The following COLEC12 variants were observed in gnomAD, a reference collection of about 807,000 sequenced individuals.
The protein encoded by COLEC12 is collectin subfamily member 12.
In COLEC12, 33 loss-of-function variants were observed where a neutral mutation model predicts 71.1. The ratio of observed to expected loss-of-function variants is 0.46; its 90% CI spans 0.35 to 0.62. The LOEUF is 0.62. Among genes scored for constraint, COLEC12 ranks in the 20% least tolerant of loss-of-function variants. COLEC12 has a pLI of 0.00. For missense variants in COLEC12, 765 were observed against 916.1 expected, an observed-to-expected ratio of 0.84 and a Z score of 2.13; for synonymous variants, 350 against 353.0, an observed-to-expected ratio of 0.99 and a Z score of 0.10.
chr18:493,189 C>T (rs1917650122), intron 1 of COLEC12, among the ~76,000 whole-genome samples: 1 of 152,142 alleles, frequency 6.6e-6, no homozygotes, highest in Admixed American at 6.5e-5. Flanking sequence ...ATCCTCCCAC[C>T]TCAGTCTCCC....
chr18:366,311 C>T (rs960629974), intron 2 of COLEC12, among the ~76,000 whole-genome samples: 5 of 152,140 alleles, frequency 3.3e-5, no homozygotes, highest in Admixed American at 1.3e-4. Context: ...TTTGAGGGAG[C>T]ATGGGAAGGA....
rs186139307 is a variant in COLEC12, at chr18:470,268, G to A, written c.58+10439C>T. Among the ~76,000 whole-genome samples the A allele has an allele frequency of 1.2e-4, 14 of 118,456 alleles. No homozygotes were observed. The East Asian group carries it at 3.9e-3, about 33-fold the overall frequency. The allele number at this position is 118,456 out of a possible 152,430, so 77.7% of individuals were successfully genotyped here. The stretch of plus-strand genomic sequence containing the variant: ...TTTTTTTGAGACGGAGTCTCGCTCG[G>A]TCTCCCAGGCTGGAGTGCAGTGGTG... On this transcript the variant is annotated intron_variant, in intron 2 of 9. Coordinates refer to ENST00000400256, the MANE Select transcript of COLEC12 (RefSeq NM_130386.3).
intron 2 of COLEC12, among the ~76,000 whole-genome samples, chr18:400,954 G>A (rs1915672403): frequency 4.6e-5 from 7 of 152,140 alleles, no homozygotes; most frequent in Admixed American, 3.3e-4. Context: ...GGGAACATAT[G>A]GTCCAGCTTC....
intron 2 of COLEC12, among the ~76,000 whole-genome samples, chr18:367,417 A>G (rs1487471051): frequency 6.6e-6 from 1 of 152,164 alleles, no homozygotes; most frequent in African/African-American, 2.4e-5. Flanking sequence ...AGTGGACTTC[A>G]ATGTAAATGA....
intron 8 of COLEC12, among the ~76,000 whole-genome samples, chr18:328,914 C>T (rs1037036577): frequency 2.6e-5 from 4 of 152,192 alleles, no homozygotes; most frequent in Admixed American, 2.0e-4. Flanking sequence ...GTTATTGAGA[C>T]CTCATAACAC....
intron 5 of COLEC12, among the ~76,000 whole-genome samples, chr18:337,659 C>A (rs1175238573): frequency 1.3e-5 from 2 of 152,180 alleles, no homozygotes; most frequent in Non-Finnish European, 2.9e-5. Flanking sequence ...TGACCTCTGC[C>A]CACAGCTCCT....
intron 2 of COLEC12, among the ~76,000 whole-genome samples, chr18:366,946 G>T (rs962952113): frequency 6.6e-6 from 1 of 152,270 alleles, no homozygotes; most frequent in Admixed American, 6.5e-5. Context: ...ACAGGGAGCC[G>T]CAGCCTCAAA....
At chr18:467,491 T>C (rs1001577839) in intron 2 of COLEC12, among the ~76,000 whole-genome samples, 6 of 152,238 alleles carry the variant, frequency 3.9e-5, no homozygotes, top group African/African-American at 1.4e-4. Context: ...GGTTTATGTT[T>C]TTTGTCCAAT....
chr18:497,360 T>C (rs1917730253), intron 1 of COLEC12, among the ~76,000 whole-genome samples: 1 of 151,622 alleles, frequency 6.6e-6, no homozygotes, highest in African/African-American at 2.4e-5. Context: ...TGTCCACTGA[T>C]TTTCAATTTG....
intron 2 of COLEC12, among the ~76,000 whole-genome samples, chr18:410,087 T>C (rs1915864415): frequency 6.6e-6 from 1 of 152,234 alleles, no homozygotes; most frequent in Admixed American, 6.5e-5. Flanking sequence ...TTCTGAGGAT[T>C]AAGTGAAATT....
At chr18:354,303 T>C (rs1319410508) in intron 3 of COLEC12, among the ~76,000 whole-genome samples, 1 of 152,208 alleles carries the variant, frequency 6.6e-6, no homozygotes, top group Non-Finnish European at 1.5e-5. Flanking sequence ...CCTGTCTGGG[T>C]GACTGAGCGA....
At chr18:424,428 G>T (rs888137059) in intron 2 of COLEC12, 3 of 152,166 alleles carry the variant, frequency 2.0e-5, no homozygotes, top group African/African-American at 7.2e-5. Context: ...TGTTGATCTT[G>T]GCGTCCCCAT....
At position 404,054 on chromosome 18, in the gene COLEC12, G is replaced by C. The variant is rs72861833; in HGVS notation, c.59-46532C>G. ...ATAGCAAAAACCATCAGAAAATTAA[G>C]CATGAAATGGAAATTCTGATGCCAT... On this transcript the variant is annotated intron_variant, in intron 2 of 9. Coordinates refer to ENST00000400256, the MANE Select transcript of COLEC12 (RefSeq NM_130386.3). Among the ~76,000 whole-genome samples the C allele has an allele frequency of 5.2e-3, 793 of 152,278 alleles. 2 individuals carry two copies. Among genetic ancestry groups the C allele is most frequent in the Non-Finnish European group, 9.0e-3 (613 of 68,020 alleles).
At chr18:477,168 C>A (rs1271433347) in intron 2 of COLEC12, among the ~76,000 whole-genome samples, 2 of 152,198 alleles carry the variant, frequency 1.3e-5, no homozygotes, top group African/African-American at 2.4e-5. Context: ...CAATACCATG[C>A]TAGATCACTG....
intron 2 of COLEC12, among the ~76,000 whole-genome samples, chr18:464,274 A>G (rs932201596): frequency 6.6e-6 from 1 of 152,218 alleles, no homozygotes; most frequent in Admixed American, 6.5e-5. Context: ...ACTATTCTGC[A>G]GCCTCCTCAG....
intron 2 of COLEC12, among the ~76,000 whole-genome samples, chr18:358,856 G>A (rs932555496): frequency 2.6e-5 from 4 of 152,124 alleles, no homozygotes; most frequent in African/African-American, 9.7e-5. Flanking sequence ...AAGTATTTGT[G>A]TATCTAAACA....
intron 2 of COLEC12, among the ~76,000 whole-genome samples, chr18:410,705 G>A (rs1306661476): frequency 4.6e-5 from 7 of 151,900 alleles, no homozygotes; most frequent in Non-Finnish European, 7.4e-5. Flanking sequence ...GATTACAGGC[G>A]TGAGCCATCA....
chr18:453,205 C>T (rs1916796132), intron 2 of COLEC12, among the ~76,000 whole-genome samples: 1 of 152,200 alleles, frequency 6.6e-6, no homozygotes, highest in Admixed American at 6.5e-5. Flanking sequence ...TGATCAGTGT[C>T]ACTGGCTTGT....
intron 3 of COLEC12, among the ~76,000 whole-genome samples, chr18:349,687 C>T: frequency 6.6e-6 from 1 of 152,230 alleles, no homozygotes; most frequent in African/African-American, 2.4e-5. Flanking sequence ...CCCTGCAAAG[C>T]CACAGGGGTG....
Sources: gnomAD v4.1 joint callset for allele counts (sites outside exome capture counted in the v4.1 genomes callset) on GRCh38, gnomAD v4.1.1 for gene constraint, MANE v1.5 for transcripts, NCBI Gene and HGNC (gene_info 2026-07-23, HGNC 2026-07-21) for gene names.